DAB2IP: variants seen among roughly 807,000 people sequenced by gnomAD.
DAB2IP encodes the protein disabled homolog 2-interacting protein.
In DAB2IP, 28 loss-of-function variants were observed where a neutral mutation model predicts 107.2. The observed-to-expected ratio is 0.26, with a 90% CI of 0.19 to 0.36. DAB2IP has a LOEUF of 0.36. Among genes scored for constraint, DAB2IP ranks in the 10% least tolerant of loss-of-function variants. The pLI, the probability that DAB2IP is intolerant of heterozygous loss-of-function variation, is 1.00. For synonymous variants in DAB2IP, 755 were observed against 706.4 expected (o/e 1.07, Z -1.09); for missense variants, 1,400 against 1,644.7 (o/e 0.85, Z 2.57).
chr9:121,621,131 A>T (rs992211184), intron 1 of DAB2IP, among the ~76,000 whole-genome samples: 1 of 151,844 alleles, frequency 6.6e-6, no homozygotes, highest in African/African-American at 2.4e-5. Context: ...CCCCTTGGGC[A>T]CCATCTCCTG....
At chr9:121,578,028 C>T (rs980508901) in intron 1 of DAB2IP, among the ~76,000 whole-genome samples, 21 of 152,048 alleles carry the variant, frequency 1.4e-4, no homozygotes, top group African/African-American at 5.1e-4. Flanking sequence ...GACTCTATGG[C>T]CCTGAAGCCA....
exon 16 of DAB2IP, chr9:121,783,911 G>C (rs1835832879): frequency 6.5e-6 from 2 of 308,846 alleles, no homozygotes; most frequent in Admixed American, 8.3e-5. Flanking sequence ...AAAGGCCCTG[G>C]GTAAGAAGGG....
At chr9:121,778,865 T>C (rs1406019244) in intron 14 of DAB2IP, among the ~76,000 whole-genome samples, 1 of 90,066 alleles carries the variant, frequency 1.1e-5, no homozygotes, top group Non-Finnish European at 2.1e-5. Flanking sequence ...TCCCTGGCTA[T>C]TTATAAGATA....
At chr9:121,781,712 C>CA (rs1293601615) in intron 15 of DAB2IP, among the ~76,000 whole-genome samples, 161 bp downstream of exon 15, 4 of 152,064 alleles carry the variant, frequency 2.6e-5, no homozygotes, top group African/African-American at 9.7e-5. Context: ...CTTAGTGGGC[C>CA]ACAAGCTCAC....
At chr9:121,724,267 TC>T (rs1831099901) in intron 3 of DAB2IP, among the ~76,000 whole-genome samples, 2 of 152,224 alleles carry the variant, frequency 1.3e-5, no homozygotes, top group South Asian at 4.1e-4. Context: ...TGACTACCTT[TC>T]CAGTTGCACT....
chr9:121,604,357 G>T (rs151016293), intron 1 of DAB2IP, among the ~76,000 whole-genome samples: 1 of 152,146 alleles, frequency 6.6e-6, no homozygotes, highest in Admixed American at 6.5e-5. Context: ...ATCCCAGGTG[G>T]GCCTCCAGCA....
intron 3 of DAB2IP, among the ~76,000 whole-genome samples, chr9:121,704,873 G>C (rs560331928): frequency 6.6e-6 from 1 of 152,212 alleles, no homozygotes; most frequent in Non-Finnish European, 1.5e-5. Flanking sequence ...TCAAAGGCAT[G>C]GAGCTGGGGC....
chr9:121,597,173 A>G (rs1830548434), intron 1 of DAB2IP, among the ~76,000 whole-genome samples: 1 of 152,246 alleles, frequency 6.6e-6, no homozygotes, highest in Non-Finnish European at 1.5e-5. Flanking sequence ...AATTAAATGT[A>G]TTGATGTTTT....
At chr9:121,627,187 A>G (rs1426956856) in intron 1 of DAB2IP, among the ~76,000 whole-genome samples, 5 of 151,758 alleles carry the variant, frequency 3.3e-5, no homozygotes, top group Middle Eastern at 3.2e-3. Context: ...GTAAGAATCT[A>G]TCCACCCAGG....
At chr9:121,648,881 G>T (rs1357555993), upstream of DAB2IP, among the ~76,000 whole-genome samples, 1 of 152,128 alleles carries the variant, frequency 6.6e-6, no homozygotes, top group Non-Finnish European at 1.5e-5. Flanking sequence ...CAATGGTGGT[G>T]GTGGGCACTG....
At chr9:121,668,794 G>T (rs1050130916) in intron 1 of DAB2IP, among the ~76,000 whole-genome samples, 1 of 150,968 alleles carries the variant, frequency 6.6e-6, no homozygotes, top group Non-Finnish European at 1.5e-5. Flanking sequence ...TGGCTACTGT[G>T]TAATATGATA....
chr9:121,619,718 C>T (rs988396238), intron 1 of DAB2IP, among the ~76,000 whole-genome samples: 29 of 152,082 alleles, frequency 1.9e-4, no homozygotes, highest in African/African-American at 5.8e-4. Flanking sequence ...TAATGATTTC[C>T]GGGAGCGCTT....
In DAB2IP at chr9:121,657,787, T is replaced by G. The variant is rs1365239596; in HGVS notation, c.124+5888T>G. On this transcript the variant is annotated intron_variant, in intron 1 of 15. Coordinates refer to ENST00000408936, the Ensembl canonical transcript of DAB2IP. ...TCCTTCTATTTAATTCTGTACTTACTAAGACCTGGGGGTACAGGGAGGGGC... is the reference window on the plus strand; with the variant it reads ...TCCTTCTATTTAATTCTGTACTTACGAAGACCTGGGGGTACAGGGAGGGGC... 1.3e-5 allele frequency among the ~76,000 whole-genome samples: 2 copies of G among 152,140 alleles called. 1 individual carries two copies. The highest frequency in any genetic ancestry group is 4.8e-5 in the African/African-American group (2 of 41,442).
exon 13 of DAB2IP, chr9:121,774,343 G>A (rs1340307585): frequency 3.1e-6 from 5 of 1,613,310 alleles, no homozygotes; most frequent in Non-Finnish European, 4.2e-6. Context: ...TAGAAGACGA[G>A]GGCCTGGGCC....
At chr9:121,712,291 A>C (rs1427218613) in intron 3 of DAB2IP, among the ~76,000 whole-genome samples, 1 of 152,208 alleles carries the variant, frequency 6.6e-6, no homozygotes, top group African/African-American at 2.4e-5. Context: ...TAGGATTCTT[A>C]TTCTTCTTGC....
intron 1 of DAB2IP, among the ~76,000 whole-genome samples, chr9:121,586,807 A>G (rs1041462226): frequency 5.7e-5 from 8 of 140,560 alleles, no homozygotes; most frequent in Non-Finnish European, 1.2e-4. Context: ...GTGACAAAGT[A>G]AAAAAAAAAA....
chr9:121,680,734 T>C (rs1366492439), intron 2 of DAB2IP, among the ~76,000 whole-genome samples: 2 of 112,246 alleles, frequency 1.8e-5, no homozygotes, highest in African/African-American at 8.0e-5. Context: ...CCTGATCTCT[T>C]TTTTTTTTCT....
chr9:121,578,177 C>G (rs919319726), intron 1 of DAB2IP, among the ~76,000 whole-genome samples: 2 of 152,190 alleles, frequency 1.3e-5, no homozygotes, highest in Admixed American at 6.5e-5. Flanking sequence ...TGGTCCCTGA[C>G]AGCAGGGAGG....
chr9:121,597,372 C>T (rs1257163827), intron 1 of DAB2IP, among the ~76,000 whole-genome samples: 3 of 152,146 alleles, frequency 2.0e-5, no homozygotes, highest in Admixed American at 1.3e-4. Flanking sequence ...AAAGTCCACC[C>T]TTCTCCCACT....
Sources: gnomAD v4.1 joint callset for allele counts (sites outside exome capture counted in the v4.1 genomes callset) on GRCh38, gnomAD v4.1.1 for gene constraint, MANE v1.5 for transcripts, NCBI Gene and HGNC (gene_info 2026-07-23, HGNC 2026-07-21) for gene names.